Variants in CPS1 observed in about 807,000 individuals in gnomAD.
The protein encoded by CPS1 is carbamoyl-phosphate synthase [ammonia], mitochondrial.
Under a neutral mutation model 174.6 loss-of-function variants are expected in CPS1, and 109 were observed. The ratio of observed to expected loss-of-function variants is 0.62; its 90% CI spans 0.53 to 0.73. CPS1 has a LOEUF of 0.73. CPS1 is among the 30% of genes least tolerant of loss of function. The pLI is 0.00. For missense variants in CPS1, 1,689 were observed against 1,821.9 expected (o/e 0.93, Z 1.33); for synonymous variants, 637 against 632.0 (o/e 1.01, Z -0.12).
At chr2:210,525,901 GA>G (rs1471039103) in intron 1 of CPS1, among the ~76,000 whole-genome samples, 93 of 151,748 alleles carry the variant, frequency 6.1e-4, no homozygotes, top group African/African-American at 2.2e-3. Flanking sequence ...ACAAGGTTGG[GA>G]AAAGGAGACT....
In CPS1 at chr2:210,608,513, A is replaced by C. The variant is rs1407453471; in HGVS notation, c.2345A>C (p.His782Pro). The C allele has an allele frequency of 1.2e-5, 19 of 1,612,246 alleles. No homozygotes were observed. Among genetic ancestry groups the C allele is most frequent in the Non-Finnish European group, 1.6e-5 (19 of 1,178,770 alleles). Reference protein sequence around the residue: ...KIPRWDLDRFHGTSSRIGSSM... With the variant: ...KIPRWDLDRFPGTSSRIGSSM... ...CCCCGCTGGGATCTTGACCGTTTTC[A>C]TGGAACATCTAGCCGAATTGGTAGC... The change falls in exon 19 of 38, where the codon CAT (histidine) becomes CCT (proline). Residue 782 changes from histidine (H) to proline (P), a missense_variant. By Grantham distance (77) the His-to-Pro change is moderately conservative. Transcript: ENST00000233072.
chr2:210,525,893 A>G (rs1386540531), intron 1 of CPS1, among the ~76,000 whole-genome samples: 2 of 151,688 alleles, frequency 1.3e-5, no homozygotes, highest in Non-Finnish European at 2.9e-5. Flanking sequence ...GGACAAGGAC[A>G]AGGTTGGGAA....
In CPS1 at chr2:210,615,649, T is replaced by C. The variant is rs543722013; in HGVS notation, c.2569-774T>C. Among the ~76,000 whole-genome samples, 195 of 152,146 alleles carry C rather than the reference T, an allele frequency of 1.3e-3. 6 individuals are homozygous for C. The South Asian group carries it at 0.039, about 31-fold the overall frequency. ...ACATCTTTTTGTATAAAGATTTTGG[T>C]TTTGAGAGTTTATCTCTTTTTTCAG... is the stretch of plus-strand genomic sequence containing the variant. On this transcript the variant is annotated intron_variant, in intron 20 of 37. Transcript: ENST00000233072.
intron 20 of CPS1, among the ~76,000 whole-genome samples, chr2:210,614,504 A>G (rs1699236323): frequency 6.6e-6 from 1 of 151,944 alleles, no homozygotes; most frequent in African/African-American, 2.4e-5. Flanking sequence ...GAACTAATTT[A>G]CACTCCCACC....
At chr2:210,609,725 G>A (rs942605698) in intron 19 of CPS1, among the ~76,000 whole-genome samples, 2 of 151,886 alleles carry the variant, frequency 1.3e-5, no homozygotes, top group Admixed American at 1.3e-4. Context: ...CAGAGCAAAA[G>A]GCTGTTTATG....
intron 8 of CPS1, 100 bp from the exon 9 acceptor site, chr2:210,590,698 CTT>C (rs1559092642): frequency 1.2e-6 from 1 of 859,960 alleles, no homozygotes; most frequent in Non-Finnish European, 1.9e-6. Context: ...TTACTATTCT[CTT>C]TACCTTCTTA....
At chr2:210,549,541 A>C (rs1172065870) in intron 1 of CPS1, among the ~76,000 whole-genome samples, 1 of 152,040 alleles carries the variant, frequency 6.6e-6, no homozygotes, top group Non-Finnish European at 1.5e-5. Flanking sequence ...TTGTTCCATC[A>C]TTTACACAAT....
Position 210,647,966 on chromosome 2 carries a change from A to T in CPS1, c.3245A>T (p.Gln1082Leu). Residue 1082 changes from glutamine (Q) to leucine (L), a missense_variant, in exon 26 of 38, where the codon CAG (glutamine) becomes CTG (leucine). Gln to Leu is a moderately radical substitution (Grantham distance 113, BLOSUM62 -2). Transcript: ENST00000233072. ...AAGATCATGGGCACAAGCCCCCTGC[A>T]GATCGACAGGGCTGAGGATCGCTCC... ...GVKIMGTSPLQIDRAEDRSIF... is the reference protein window; with the variant it reads ...GVKIMGTSPLLIDRAEDRSIF... 6.2e-7 allele frequency: 1 copy of T among 1,614,094 alleles called. No individual in the cohort carries two copies. Among genetic ancestry groups the T allele is most frequent in the Non-Finnish European group, 8.5e-7 (1 of 1,179,954 alleles).
rs375940416 is a variant in CPS1, at chr2:210,612,593, C to CTT, written c.2568+300_2568+301insTT. ...TTTAAGTATACTTAGTACTAATACTCAAGTAGATTTGACTATATTGACTTG... is the reference window on the plus strand; with the variant it reads ...TTTAAGTATACTTAGTACTAATACTCTTAAGTAGATTTGACTATATTGACTTG... On this transcript the variant is annotated intron_variant, in intron 20 of 37. Coordinates refer to ENST00000233072, the MANE Select transcript of CPS1 (RefSeq NM_001875.5). Among the ~76,000 whole-genome samples, 1,186 of 151,966 alleles carry CTT rather than the reference C, an allele frequency of 7.8e-3. 19 individuals are homozygous for CTT. Among genetic ancestry groups the CTT allele is most frequent in the African/African-American group, 0.027 (1,113 of 41,508 alleles).
Position 210,598,504 on chromosome 2 carries a change from G to C in CPS1, c.1360-868G>C, listed in dbSNP as rs576275100. On this transcript the variant is annotated intron_variant, in intron 13 of 37. Transcript: ENST00000233072. ...GTGACACCCATGCGCTCAAAATAAA[G>C]GGATAGAGGAAAATCTACCAAGCAA... Among the ~76,000 whole-genome samples, 25 of 151,092 alleles carry C rather than the reference G, an allele frequency of 1.7e-4. No individual in the cohort carries two copies. The East Asian group carries it at 4.9e-3, about 30-fold the overall frequency.
chr2:210,600,943 G>T (rs1199643548), intron 15 of CPS1, among the ~76,000 whole-genome samples: 1 of 151,890 alleles, frequency 6.6e-6, no homozygotes, highest in Non-Finnish European at 1.5e-5. Context: ...AGATGAAGTG[G>T]TTTATCAAGG....
At chr2:210,667,304 C>T (rs575565413) in intron 33 of CPS1, among the ~76,000 whole-genome samples, 1 of 152,038 alleles carries the variant, frequency 6.6e-6, no homozygotes, top group South Asian at 2.1e-4. Flanking sequence ...CTTTTCCTAA[C>T]TGAATACTCT....
intron 33 of CPS1, among the ~76,000 whole-genome samples, chr2:210,664,164 C>A (rs945050967): frequency 9.2e-5 from 14 of 152,068 alleles, no homozygotes; most frequent in African/African-American, 2.4e-4. Context: ...GCAAAAAAAA[C>A]CTTACTTTTA....
chr2:210,581,943 A>G (rs1311987323), intron 5 of CPS1, among the ~76,000 whole-genome samples: 1 of 152,164 alleles, frequency 6.6e-6, no homozygotes, highest in Non-Finnish European at 1.5e-5. Context: ...TAAGTAGTTC[A>G]AAGCAGACTT....
chr2:210,604,375 C>T (rs1698831644), intron 16 of CPS1, among the ~76,000 whole-genome samples: 1 of 151,886 alleles, frequency 6.6e-6, no homozygotes, highest in South Asian at 2.1e-4. Flanking sequence ...CTTGGATTAT[C>T]AGCCACTGCA....
At chr2:210,495,721 A>G (rs1008909014) in intron 1 of CPS1, among the ~76,000 whole-genome samples, 1 of 152,218 alleles carries the variant, frequency 6.6e-6, no homozygotes, top group Admixed American at 6.5e-5. Flanking sequence ...TTTCCAAATT[A>G]GGTGTAAAGT....
Position 210,538,087 on chromosome 2 carries a change from C to T in CPS1, c.4-18632C>T, listed in dbSNP as rs1275201208. On this transcript the variant is annotated intron_variant, in intron 1 of 38. Transcript: ENST00000430249. ...GGGAGCACAGAATGATTCATTATCT[C>T]TTCTACATTAGCCACTTTGTTTGTG... is the stretch of plus-strand genomic sequence containing the variant. Among the ~76,000 whole-genome samples the T allele has an allele frequency of 2.6e-5, 4 of 152,106 alleles. No homozygotes were observed. In the East Asian group the frequency reaches 5.8e-4, roughly 22 times the overall value.
intron 26 of CPS1, 36 bp downstream of exon 26, chr2:210,648,093 T>C: frequency 6.2e-7 from 1 of 1,600,892 alleles, no homozygotes; most frequent in Non-Finnish European, 8.6e-7. Flanking sequence ...TCTAATGTTC[T>C]ATTTTGAAGA....
intron 17 of CPS1, 115 bp downstream of exon 17, chr2:210,605,361 G>C (rs1698871254): frequency 8.7e-7 from 1 of 1,154,144 alleles, no homozygotes; most frequent in Non-Finnish European, 1.3e-6. Context: ...TGACAGACTA[G>C]TGATAACATT....
Sources: allele counts gnomAD v4.1 joint callset (sites outside exome capture counted in the v4.1 genomes callset), GRCh38; gene constraint gnomAD v4.1.1; transcripts MANE v1.5; gene names NCBI Gene and HGNC (gene_info 2026-07-23, HGNC 2026-07-21).